TSKS: variants seen among roughly 807,000 people sequenced by gnomAD.
The protein encoded by TSKS is testis specific serine kinase substrate, also known as testis-specific serine kinase substrate.
A neutral mutation model predicts 68.0 loss-of-function variants in TSKS; 27 were observed. That is an observed-to-expected ratio of 0.40 (90% CI 0.29 to 0.55). The LOEUF is 0.55. TSKS is among the 20% of genes least tolerant of loss of function. The pLI is 0.53. For missense variants in TSKS, 806 were observed against 776.0 expected (o/e 1.04, Z -0.46); for synonymous variants, 331 against 340.4 (o/e 0.97, Z 0.30).
rs1568562086 is a variant in TSKS, at chr19:49,746,581, C to T, written c.881G>A (p.Arg294Gln). Residue 294 changes from arginine (R) to glutamine (Q), a missense_variant, in exon 6 of 11, where the codon CGG becomes CAG. Transcript: ENST00000246801. ...GPPGSPDKPS[R>Q]PHGLVPAGWG... ...GCCTGCGGGGACCAGGCCGTGTGGCCGCGAGGGTTTGTCGGGACTCCCTGG... is the reference window on the plus strand; with the variant it reads ...GCCTGCGGGGACCAGGCCGTGTGGCTGCGAGGGTTTGTCGGGACTCCCTGG... The T allele has an allele frequency of 6.8e-6, 11 of 1,612,632 alleles. No individual in the cohort carries two copies. In the East Asian group the frequency reaches 2.5e-4, roughly 36 times the overall value.
rs1164304313 is a variant in TSKS at position 49,746,226 on chromosome 19, CCT to C, written c.992+242_992+243del. ...AAAAAACGATCTTTGAGGAACCTCCCCTGTGTCCCCGCCCACCGCAGCTCCTG... is the reference window on the plus strand; with the variant it reads ...AAAAAACGATCTTTGAGGAACCTCCCGTGTCCCCGCCCACCGCAGCTCCTG... On this transcript the variant is annotated intron_variant, in intron 6 of 10. Coordinates refer to ENST00000246801, the MANE Select transcript of TSKS (RefSeq NM_021733.2). 3.9e-5 allele frequency among the ~76,000 whole-genome samples: 6 copies of C among 151,948 alleles called. No homozygotes were observed. The East Asian group carries it at 9.7e-4, about 25-fold the overall frequency.
At chr19:49,762,964 C>T (rs900212538) in intron 1 of TSKS, 114 bp downstream of exon 1, 8 of 1,388,804 alleles carry the variant, frequency 5.8e-6, no homozygotes, top group East Asian at 2.6e-5. Flanking sequence ...TTCCTGCCCC[C>T]GACCTGCTGG....
rs1218858358 is a variant in TSKS at position 49,747,453 on chromosome 19, G to C, written c.599C>G (p.Thr200Ser). 2 of 1,614,072 alleles carry C rather than the reference G, an allele frequency of 1.2e-6. No homozygotes were observed. Among genetic ancestry groups the C allele is most frequent in the Admixed American group, 3.3e-5 (2 of 60,004 alleles). The change falls in exon 5 of 11, where the codon ACC becomes AGC. Residue 200 changes from threonine to serine, a missense_variant. Coordinates refer to ENST00000246801, the MANE Select transcript of TSKS (RefSeq NM_021733.2). ...IQLKENCWKV[T>S]RSVEDAEIKT... ...GATTTCAGCATCTTCCACAGACCGGGTCACCTTCCAGCAGTTCTCCTGGGT... is the reference window on the plus strand; with the variant it reads ...GATTTCAGCATCTTCCACAGACCGGCTCACCTTCCAGCAGTTCTCCTGGGT...
Position 49,744,326 on chromosome 19 carries a change from C to T in TSKS, c.1266G>A (p.Glu422=). 1 of 1,614,154 alleles carries T rather than the reference C, an allele frequency of 6.2e-7. No individual in the cohort carries two copies. Among genetic ancestry groups the T allele is most frequent in the Non-Finnish European group, 8.5e-7 (1 of 1,180,026 alleles). ...AGTTCTGAAATTGCCGCCCGAACTC[C>T]TCCAGAATGGGTTTCAGTGGGCCCA... ...EGLGPLKPIL[E]EFGRQFQNSR... Residue 422 remains glutamate, a synonymous_variant, in exon 8 of 11, where the codon GAG becomes GAA. Coordinates refer to ENST00000246801, the MANE Select transcript of TSKS (RefSeq NM_021733.2).
In TSKS at chr19:49,747,458, C is replaced by G; in HGVS notation, c.594G>C (p.Lys198Asn). Residue 198 changes from lysine to asparagine, a missense_variant, in exon 5 of 11, where the codon AAG becomes AAC. Lys to Asn is a moderately conservative substitution (Grantham distance 94). Coordinates refer to ENST00000246801, the MANE Select transcript of TSKS (RefSeq NM_021733.2). ...YCIQLKENCW[K>N]VTRSVEDAEI... ...CAGCATCTTCCACAGACCGGGTCAC[C>G]TTCCAGCAGTTCTCCTGGGTCAGAC... 6.2e-7 allele frequency: 1 copy of G among 1,614,212 alleles called. No individual in the cohort carries two copies. The highest frequency in any genetic ancestry group is 2.2e-5 in the East Asian group (1 of 44,874).
intron 2 of TSKS, among the ~76,000 whole-genome samples, chr19:49,759,298 G>A (rs949394343): frequency 8.6e-5 from 13 of 151,026 alleles, no homozygotes; most frequent in Admixed American, 2.0e-4. Flanking sequence ...GTGAAACCCC[G>A]TCTCTACTAA....
intron 2 of TSKS, among the ~76,000 whole-genome samples, chr19:49,760,330 A>AT (rs978018106): frequency 1.0e-4 from 15 of 148,712 alleles, no homozygotes; most frequent in African/African-American, 2.7e-4. Flanking sequence ...TATTGTTATT[A>AT]TTTTTTTTTT....
At chr19:49,742,071 C>CGCCCCAT (rs760524370) in intron 8 of TSKS, 51 bp from the exon 9 acceptor site, 27 of 1,599,438 alleles carry the variant, frequency 1.7e-5, no homozygotes, top group South Asian at 2.2e-5. Context: ...AACTCCAGGA[C>CGCCCCAT]GCCCCATGCC....
At position 49,752,323 on chromosome 19, in the gene TSKS, G is replaced by A. The variant is rs182102671; in HGVS notation, c.400-3854C>T. 2.2e-3 allele frequency among the ~76,000 whole-genome samples: 338 copies of A among 150,554 alleles called. 1 individual carries two copies. The highest frequency in any genetic ancestry group is 3.5e-3 in the Non-Finnish European group (238 of 67,880). On this transcript the variant is annotated intron_variant, in intron 2 of 10. Transcript: ENST00000246801. ...CGCTTGAACCCGGGAGGTGGAGGTC[G>A]CAGTGAACCGAGATCATGCCACTGC... is the stretch of plus-strand genomic sequence containing the variant.
At chr19:49,740,253 C>A in intron 9 of TSKS, 70 bp from the exon 10 acceptor site, 1 of 1,544,794 alleles carries the variant, frequency 6.5e-7, no homozygotes, top group Non-Finnish European at 8.7e-7. Flanking sequence ...AACTGGATTG[C>A]GGAGGGCAAA....
Position 49,744,277 on chromosome 19 carries a change from T to C in TSKS, c.1315A>G (p.Met439Val). ...QNSRRGPDLS[M>V]NLDRSHQGNC... ...CCTTGGTGGGACCGATCCAGGTTCA[T>C]GGAGAGGTCAGGCCCTCTTCGAGAG... Residue 439 changes from methionine (M) to valine (V), a missense_variant, in exon 8 of 11, where the codon ATG becomes GTG. Transcript: ENST00000246801. 6.2e-7 allele frequency: 1 copy of C among 1,614,138 alleles called. No individual in the cohort carries two copies. The highest frequency in any genetic ancestry group is 8.5e-7 in the Non-Finnish European group (1 of 1,180,004).
chr19:49,760,787 C>T (rs2084433776), intron 2 of TSKS, among the ~76,000 whole-genome samples: 1 of 150,344 alleles, frequency 6.7e-6, no homozygotes, highest in Non-Finnish European at 1.5e-5. Context: ...AAGACCCTGC[C>T]TTAAAAATAA....
chr19:49,742,305 C>A (rs1223981643), intron 8 of TSKS, among the ~76,000 whole-genome samples: 1 of 149,606 alleles, frequency 6.7e-6, no homozygotes, highest in Non-Finnish European at 1.5e-5. Context: ...TCAAACAATT[C>A]TCCTGCGTCA....
At chr19:49,759,982 A>G (rs760558386) in intron 2 of TSKS, among the ~76,000 whole-genome samples, 3 of 151,338 alleles carry the variant, frequency 2.0e-5, no homozygotes, top group Non-Finnish European at 4.4e-5. Context: ...GTGAAACCCC[A>G]TCTCTACTAA....
chr19:49,756,100 G>A (rs764785163), intron 2 of TSKS, among the ~76,000 whole-genome samples: 7 of 152,092 alleles, frequency 4.6e-5, no homozygotes, highest in Non-Finnish European at 1.0e-4. Flanking sequence ...AAATCCAACA[G>A]CATGTAAAAA....
At position 49,746,615 on chromosome 19, in the gene TSKS, G is replaced by A. The variant is rs771692282; in HGVS notation, c.847C>T (p.Pro283Ser). ...TTGTCGGGACTCCCTGGCGGGCCGG[G>A]GCAGCCCTGGGACGTGGCGGCGGGG... is the stretch of plus-strand genomic sequence containing the variant. ...LGPAATSQGC[P>S]GPPGSPDKPS... Residue 283 changes from proline to serine, a missense_variant, in exon 6 of 11, where the codon CCC (proline) becomes TCC (serine). By Grantham distance (74) the Pro-to-Ser change is moderately conservative (BLOSUM62 -1). Coordinates refer to ENST00000246801, the MANE Select transcript of TSKS (RefSeq NM_021733.2). The A allele has an allele frequency of 1.9e-6, 3 of 1,610,968 alleles. No individual in the cohort carries two copies. In the African/African-American group the frequency reaches 4.0e-5, roughly 21 times the overall value.
chr19:49,747,044 A>G, intron 5 of TSKS: 2 of 1,314,752 alleles, frequency 1.5e-6, no homozygotes, highest in Non-Finnish European at 2.1e-6. Context: ...CAAGCCCTCC[A>G]GGCGTCAAAT....
intron 2 of TSKS, among the ~76,000 whole-genome samples, chr19:49,760,073 C>T (rs994546637): frequency 6.6e-6 from 1 of 152,004 alleles, no homozygotes; most frequent in Non-Finnish European, 1.5e-5. Flanking sequence ...ATCACTTGAA[C>T]CCAAGAGGTG....
At chr19:49,739,996 G>A in intron 10 of TSKS, 63 bp downstream of exon 10, 1 of 1,610,500 alleles carries the variant, frequency 6.2e-7, no homozygotes, top group Non-Finnish European at 8.5e-7. Context: ...GGAGTGGAAG[G>A]GGAGATCAGG....
Sources: allele counts gnomAD v4.1 joint callset (sites outside exome capture counted in the v4.1 genomes callset), GRCh38; gene constraint gnomAD v4.1.1; transcripts MANE v1.5; gene names NCBI Gene and HGNC (gene_info 2026-07-23, HGNC 2026-07-21).